NAV3: variants seen among roughly 807,000 people sequenced by gnomAD.
NAV3 encodes the protein neuron navigator 3, also known as pore membrane and/or filament interacting like protein 1.
NAV3 carries 87 observed loss-of-function variants against 244.7 expected under a neutral mutation model. The ratio of observed to expected loss-of-function variants is 0.36; its 90% CI spans 0.30 to 0.42. NAV3 has a LOEUF of 0.42. Among genes scored for constraint, NAV3 ranks in the 20% least tolerant of loss-of-function variants. The probability of loss-of-function intolerance (pLI) is 1.00; values close to 1 mark genes in which losing one functional copy is unlikely to be tolerated. For synonymous variants in NAV3, 1,126 were observed against 1,042.2 expected, an observed-to-expected ratio of 1.08 and a Z score of -1.55; for missense variants, 2,663 against 2,893.3, an observed-to-expected ratio of 0.92 and a Z score of 1.83.
intron 1 of NAV3, among the ~76,000 whole-genome samples, chr12:77,900,718 G>T (rs759854792): frequency 6.6e-6 from 1 of 151,982 alleles, no homozygotes; most frequent in African/African-American, 2.4e-5. Context: ...ATGTTCCTTT[G>T]GTTATATAAC....
chr12:78,025,595 CAAAA>C (rs1186694789), intron 9 of NAV3, among the ~76,000 whole-genome samples: 225 of 55,534 alleles, frequency 4.1e-3, no homozygotes, highest in Non-Finnish European at 5.4e-3. Flanking sequence ...GACTCCATCT[CAAAA>C]AAAAAAAAAA....
At chr12:77,982,328 GCCC>G (rs1869729052) in intron 5 of NAV3, among the ~76,000 whole-genome samples, 1 of 62,850 alleles carries the variant, frequency 1.6e-5, no homozygotes, top group Non-Finnish European at 4.5e-5. Flanking sequence ...AAATAAATTG[GCCC>G]TCACCATGAG....
rs979315479 is a variant in NAV3, at chr12:78,025,710, A to G, written c.2023+3848A>G. Among the ~76,000 whole-genome samples, 7 of 151,204 alleles carry G rather than the reference A, an allele frequency of 4.6e-5. No individual in the cohort carries two copies. The Admixed American group carries it at 4.6e-4, about 10-fold the overall frequency. ...GATTCCTCATGAATGGCTTGGTGCC[A>G]TTCTCCTGGGAGTGAGTGAATTTTC... On this transcript the variant is annotated intron_variant, in intron 9 of 39. Coordinates refer to ENST00000397909, the MANE Select transcript of NAV3 (RefSeq NM_001024383.2).
chr12:78,103,032 T>G (rs569240166), intron 12 of NAV3, among the ~76,000 whole-genome samples: 1 of 152,346 alleles, frequency 6.6e-6, no homozygotes, highest in African/African-American at 2.4e-5. Flanking sequence ...TCCTTGTTAC[T>G]TATGCAGATT....
intron 1 of NAV3, among the ~76,000 whole-genome samples, chr12:77,911,856 G>C (rs542482254): frequency 3.3e-5 from 5 of 150,178 alleles, no homozygotes; most frequent in Non-Finnish European, 7.4e-5. Context: ...TTATACCACT[G>C]ATCATATATT....
At chr12:78,031,726 C>G (rs555085045) in intron 9 of NAV3, among the ~76,000 whole-genome samples, 21 of 107,418 alleles carry the variant, frequency 2.0e-4, no homozygotes, top group African/African-American at 7.6e-5. Flanking sequence ...CACACTCTGG[C>G]GACTGTGGTG....
At chr12:78,070,684 C>T (rs61936205) in intron 12 of NAV3, among the ~76,000 whole-genome samples, 13,074 of 147,374 alleles carry the variant, frequency 0.089, 761 homozygotes, top group South Asian at 0.18. Flanking sequence ...GTATATCTCC[C>T]GATGCTATCC....
chr12:77,722,736 A>G (rs548848150), intron 2 of NAV3, among the ~76,000 whole-genome samples: 3 of 152,162 alleles, frequency 2.0e-5, no homozygotes, highest in African/African-American at 7.2e-5. Context: ...CATGAACTGA[A>G]CTATTCTTGA....
intron 2 of NAV3, among the ~76,000 whole-genome samples, chr12:77,610,262 G>A (rs747937281): frequency 2.1e-4 from 32 of 152,100 alleles, no homozygotes; most frequent in South Asian, 8.3e-4. Context: ...TTAACCTCAA[G>A]TGCTGTCATG....
intron 2 of NAV3, among the ~76,000 whole-genome samples, chr12:77,636,990 G>T (rs187916905): frequency 1.3e-5 from 2 of 151,950 alleles, no homozygotes; most frequent in Non-Finnish European, 2.9e-5. Flanking sequence ...GGGCCTGTTG[G>T]GGGGTGGGGT....
At chr12:78,129,811 A>T (rs1254616344) in intron 18 of NAV3, among the ~76,000 whole-genome samples, 1 of 152,140 alleles carries the variant, frequency 6.6e-6, no homozygotes, top group East Asian at 1.9e-4. Context: ...TTTAGGACGG[A>T]GGACAATGAA....
At chr12:77,978,465 C>G (rs1048017271) in intron 5 of NAV3, among the ~76,000 whole-genome samples, 1 of 152,054 alleles carries the variant, frequency 6.6e-6, no homozygotes, top group Non-Finnish European at 1.5e-5. Context: ...AAATAGAGCA[C>G]TGATTATATA....
intron 1 of NAV3, among the ~76,000 whole-genome samples, chr12:77,841,153 A>C (rs1307668377): frequency 6.6e-6 from 1 of 152,204 alleles, no homozygotes; most frequent in East Asian, 1.9e-4. Flanking sequence ...CAAATCATAG[A>C]ATTATTTGTT....
intron 8 of NAV3, among the ~76,000 whole-genome samples, chr12:78,020,603 C>G (rs1233380613): frequency 1.3e-5 from 2 of 152,038 alleles, no homozygotes; most frequent in Non-Finnish European, 1.5e-5. Flanking sequence ...GTTTTCCATA[C>G]TTTATTAAAA....
intron 3 of NAV3, among the ~76,000 whole-genome samples, chr12:77,960,446 T>TACACACACAC (rs1163299447): frequency 7.8e-5 from 5 of 63,790 alleles, no homozygotes; most frequent in South Asian, 4.7e-4. Flanking sequence ...CATATATATA[T>TACACACACAC]ATATACACAC....
intron 2 of NAV3, among the ~76,000 whole-genome samples, chr12:77,704,283 A>G (rs536680521): frequency 4.1e-4 from 63 of 152,238 alleles, no homozygotes; most frequent in Non-Finnish European, 7.6e-4. Flanking sequence ...GAGTGCGTGC[A>G]TGTGTGTGTG....
At chr12:77,911,881 G>T (rs1046337554) in intron 1 of NAV3, among the ~76,000 whole-genome samples, 1 of 151,666 alleles carries the variant, frequency 6.6e-6, no homozygotes, top group African/African-American at 2.4e-5. Context: ...TTAACTCCAG[G>T]GTGTTCAGAC....
chr12:77,904,586 A>T (rs1370948107), intron 1 of NAV3, among the ~76,000 whole-genome samples: 1 of 152,218 alleles, frequency 6.6e-6, no homozygotes, highest in African/African-American at 2.4e-5. Context: ...TGGCACATGT[A>T]TACATATGTA....
intron 38 of NAV3, among the ~76,000 whole-genome samples, chr12:78,203,811 C>CT (rs1210389240): frequency 6.7e-6 from 1 of 150,056 alleles, no homozygotes; most frequent in Admixed American, 6.7e-5. Context: ...TTAATTTTCA[C>CT]TTTTTTTCTG....
Sources: gnomAD v4.1 joint callset for allele counts (sites outside exome capture counted in the v4.1 genomes callset) on GRCh38, gnomAD v4.1.1 for gene constraint, MANE v1.5 for transcripts, NCBI Gene and HGNC (gene_info 2026-07-23, HGNC 2026-07-21) for gene names.